The following SLC4A8 variants were observed in gnomAD, a reference collection of about 807,000 sequenced individuals.
SLC4A8 encodes solute carrier family 4 member 8.
A neutral mutation model predicts 125.0 loss-of-function variants in SLC4A8; 40 were observed. The observed-to-expected ratio is 0.32, with a 90% CI of 0.25 to 0.42. The LOEUF is 0.42. Ranked by LOEUF, SLC4A8 falls within the 10% of genes least tolerant of loss-of-function variation. The pLI is 1.00. For missense variants in SLC4A8, 863 were observed against 1,355.1 expected (o/e 0.64, Z 5.70); for synonymous variants, 456 against 476.0 (o/e 0.96, Z 0.55).
At chr12:51,485,667 A>G (rs1201872219) in intron 16 of SLC4A8, 120 bp from the exon 17 acceptor site, 4 of 609,998 alleles carry the variant, frequency 6.6e-6, no homozygotes, top group African/African-American at 3.7e-5. Context: ...ATTTGCTTGC[A>G]TTAATTCAAC....
chr12:51,494,413 CTTTTTTTTTTT>C (rs11363276), intron 20 of SLC4A8: 3 of 132,972 alleles, frequency 2.3e-5, no homozygotes, highest in African/African-American at 8.6e-5. Context: ...TCTTTTTTTT[CTTTTTTTTTTT>C]TTTTCCTATG....
At chr12:51,403,059 A>ATT in intron 1 of SLC4A8, 2 of 301,754 alleles carry the variant, frequency 6.6e-6, no homozygotes, top group Non-Finnish European at 1.4e-5. Flanking sequence ...GCCTGTTTTC[A>ATT]TTTTTTTTTA....
intron 11 of SLC4A8, among the ~76,000 whole-genome samples, chr12:51,467,624 G>A (rs1389265308): frequency 6.6e-6 from 1 of 152,178 alleles, no homozygotes; most frequent in Non-Finnish European, 1.5e-5. Flanking sequence ...TTCCGTGAGA[G>A]AGTAGCTTGT....
At chr12:51,450,141 T>G (rs1272977309) in intron 2 of SLC4A8, among the ~76,000 whole-genome samples, 2 of 152,154 alleles carry the variant, frequency 1.3e-5, no homozygotes, top group African/African-American at 4.8e-5. Context: ...TTTTTTAACC[T>G]TAGCCTCACC....
chr12:51,467,173 TA>T (rs1857901489), intron 11 of SLC4A8, among the ~76,000 whole-genome samples: 1 of 152,182 alleles, frequency 6.6e-6, no homozygotes, highest in South Asian at 2.1e-4. Context: ...GCTATTTACC[TA>T]GAGGAGAAAG....
At chr12:51,488,576 T>TC (rs1455784255) in intron 17 of SLC4A8, 123 bp from the exon 18 acceptor site, 1 of 740,992 alleles carries the variant, frequency 1.3e-6, no homozygotes, top group African/African-American at 1.8e-5. Flanking sequence ...CATGCCTTTT[T>TC]TTTTTTTTTT....
intron 7 of SLC4A8, among the ~76,000 whole-genome samples, chr12:51,459,215 T>A (rs1390662871): frequency 6.6e-6 from 1 of 152,228 alleles, no homozygotes; most frequent in East Asian, 1.9e-4. Flanking sequence ...TATCACTTCC[T>A]CTGCTCATAA....
intron 16 of SLC4A8, among the ~76,000 whole-genome samples, chr12:51,481,192 C>A (rs772178387): frequency 2.0e-5 from 3 of 152,150 alleles, no homozygotes; most frequent in African/African-American, 7.2e-5. Flanking sequence ...AGAGTATACA[C>A]CCAAGTTTAG....
chr12:51,427,151 G>T (rs756191968), intron 1 of SLC4A8, among the ~76,000 whole-genome samples: 28 of 152,068 alleles, frequency 1.8e-4, no homozygotes, highest in Non-Finnish European at 3.2e-4. Flanking sequence ...TGTTAGCTAG[G>T]ATGGTCTTGA....
chr12:51,484,349 T>C (rs184982657), intron 16 of SLC4A8, among the ~76,000 whole-genome samples: 102 of 152,274 alleles, frequency 6.7e-4, no homozygotes, highest in African/African-American at 2.4e-3. Flanking sequence ...ATAGTATCTG[T>C]CATCAGATAG....
intron 1 of SLC4A8, among the ~76,000 whole-genome samples, chr12:51,403,600 T>C (rs1329774488): frequency 6.6e-6 from 1 of 152,196 alleles, no homozygotes; most frequent in Non-Finnish European, 1.5e-5. Flanking sequence ...AGTCTGCCGA[T>C]GTTACCATTC....
chr12:51,452,138 C>T lies in SLC4A8; in HGVS notation c.292C>T (p.Arg98Cys). 2 of 1,614,028 alleles carry T rather than the reference C, an allele frequency of 1.2e-6. No individual in the cohort carries two copies. The change falls in exon 4 of 25, where the codon CGT becomes TGT. Residue 98 changes from arginine to cysteine, a missense_variant. By Grantham distance (180) the Arg-to-Cys change is radical (BLOSUM62 -3). This residue lies in a region of SLC4A8 where 390 missense variants were observed against 634.4 expected (regional missense o/e 0.61). Coordinates refer to ENST00000453097, the MANE Select transcript of SLC4A8 (RefSeq NM_001039960.3). ...TGATTTCCTAGACACACCATCTCAG[C>T]GTGTTCAGTTCATTCTTGGCACCGA... Reference protein sequence around the residue: ...EALAHDTPSQRVQFILGTEED... With the variant: ...EALAHDTPSQCVQFILGTEED...
In SLC4A8 at chr12:51,418,785, T is replaced by C. The variant is rs1385376090; in HGVS notation, c.-111-21923T>C. Among the ~76,000 whole-genome samples, 5 of 152,332 alleles carry C rather than the reference T, an allele frequency of 3.3e-5. No individual in the cohort carries two copies. The East Asian group carries it at 9.6e-4, about 29-fold the overall frequency. On this transcript the variant is annotated intron_variant, in intron 1 of 24. Transcript: ENST00000358657. Reference sequence around the variant, plus strand: ...ATATATAACTGCAAAATAAAAGGCCTCAGGGGAAATATCACTGGAAGTAAG... The same window carrying C: ...ATATATAACTGCAAAATAAAAGGCCCCAGGGGAAATATCACTGGAAGTAAG...
At chr12:51,414,789 G>A (rs1948654222) in intron 1 of SLC4A8, among the ~76,000 whole-genome samples, 3 of 152,140 alleles carry the variant, frequency 2.0e-5, no homozygotes, top group Admixed American at 2.0e-4. Context: ...AGTATATTAG[G>A]TGTGGATTTA....
At chr12:51,403,583 C>A (rs1948433790) in intron 1 of SLC4A8, among the ~76,000 whole-genome samples, 1 of 152,158 alleles carries the variant, frequency 6.6e-6, no homozygotes, top group Non-Finnish European at 1.5e-5. Context: ...AAAGAAGCAC[C>A]CCTCAGAGTC....
At chr12:51,473,788 G>A (rs1950777771) in intron 14 of SLC4A8, among the ~76,000 whole-genome samples, 1 of 152,176 alleles carries the variant, frequency 6.6e-6, no homozygotes, top group African/African-American at 2.4e-5. Flanking sequence ...TACCATGAGC[G>A]GCCAGGGAAT....
At chr12:51,486,978 AG>A (rs1401680343) in intron 17 of SLC4A8, among the ~76,000 whole-genome samples, 1 of 152,172 alleles carries the variant, frequency 6.6e-6, no homozygotes, top group Non-Finnish European at 1.5e-5. Context: ...TCTAATACCT[AG>A]CTGAGATCAG....
chr12:51,499,306 A>G (rs1445584007), intron 22 of SLC4A8, among the ~76,000 whole-genome samples: 2 of 152,228 alleles, frequency 1.3e-5, no homozygotes, highest in African/African-American at 2.4e-5. Flanking sequence ...AAACATATAC[A>G]TATACACATA....
upstream of SLC4A8, among the ~76,000 whole-genome samples, chr12:51,421,258 C>A (rs528486025): frequency 6.6e-6 from 1 of 152,280 alleles, no homozygotes; most frequent in South Asian, 2.1e-4. Context: ...TGTGTTTGAG[C>A]TTTTCCAACC....
Sources: allele counts gnomAD v4.1 joint callset (sites outside exome capture counted in the v4.1 genomes callset), GRCh38; gene constraint gnomAD v4.1.1; regional missense constraint gnomAD v4.1.1; transcripts MANE v1.5; gene names NCBI Gene and HGNC (gene_info 2026-07-23, HGNC 2026-07-21).